The following IRAG2 variants were observed in gnomAD, a reference collection of about 807,000 sequenced individuals.
IRAG2 encodes inositol 1,4,5-triphosphate receptor associated 2, also known as lymphoid restricted membrane protein.
In IRAG2, 45 loss-of-function variants were observed where a neutral mutation model predicts 69.9. The observed-to-expected ratio is 0.64, with a 90% CI of 0.51 to 0.83. IRAG2 has a LOEUF of 0.83. IRAG2 is among the 40% of genes least tolerant of loss of function. The probability of loss-of-function intolerance (pLI) is 0.00; values close to 1 mark genes in which losing one functional copy is unlikely to be tolerated. For synonymous variants in IRAG2, 193 were observed against 202.4 expected, an observed-to-expected ratio of 0.95 and a Z score of 0.40; for missense variants, 520 against 587.0, an observed-to-expected ratio of 0.89 and a Z score of 1.18.
intron 14 of IRAG2, chr12:25,093,050 G>A (rs1224467323): frequency 6.5e-6 from 1 of 152,750 alleles, no homozygotes; most frequent in Non-Finnish European, 1.5e-5. Flanking sequence ...ATTTTGTTGA[G>A]TTCTTCTTTA....
intron 3 of IRAG2, chr12:25,015,173 T>TTTTTTTG: frequency 1.7e-6 from 2 of 1,162,958 alleles, no homozygotes; most frequent in Non-Finnish European, 2.1e-6. Context: ...TTTTTTTTTT[T>TTTTTTTG]GGCTACAGGG....
At position 25,036,371 on chromosome 12, in the gene IRAG2, G is replaced by C. The variant is rs550347547; in HGVS notation, c.1879-214G>C. Among the ~76,000 whole-genome samples, 4 of 152,126 alleles carry C rather than the reference G, an allele frequency of 2.6e-5. No individual in the cohort carries two copies. In the South Asian group the frequency reaches 6.2e-4, roughly 24 times the overall value. On this transcript the variant is annotated intron_variant, in intron 14 of 38. Transcript: ENST00000636465. ...TTTGTTCTGGAAAATGATTCTCTCTGTATATATTCAACATGTATAGAGCAC... is the reference window on the plus strand; with the variant it reads ...TTTGTTCTGGAAAATGATTCTCTCTCTATATATTCAACATGTATAGAGCAC...
chr12:25,010,488 AC>A (rs55975420), intron 2 of IRAG2, among the ~76,000 whole-genome samples: 5,392 of 148,734 alleles, frequency 0.036, 123 homozygotes, highest in Non-Finnish European at 0.053. Context: ...AAAAAAAAAA[AC>A]AGTTCTCTCT....
intron 14 of IRAG2, chr12:25,090,738 C>T (rs1947986651): frequency 2.5e-6 from 1 of 405,560 alleles, no homozygotes; most frequent in African/African-American, 2.1e-5. Context: ...AGGAGAGTAT[C>T]AGCTATAAAA....
chr12:25,097,430 G>C (rs774882542), intron 15 of IRAG2: 1 of 153,970 alleles, frequency 6.5e-6, no homozygotes, highest in Non-Finnish European at 1.4e-5. Context: ...TGGTTGAGTA[G>C]ATATAAATTA....
chr12:25,069,326 A>G, intron 5 of IRAG2, 24 bp from the exon 6 acceptor site: 1 of 1,135,646 alleles, frequency 8.8e-7, no homozygotes. Context: ...ACCTGTAGTA[A>G]ATAACTCTAC....
At chr12:25,042,316 A>T (rs1194490346) in intron 16 of IRAG2, among the ~76,000 whole-genome samples, 1 of 152,184 alleles carries the variant, frequency 6.6e-6, no homozygotes, top group African/African-American at 2.4e-5. Flanking sequence ...AGAAATCAAG[A>T]TTTATCATTC....
intron 16 of IRAG2, among the ~76,000 whole-genome samples, chr12:25,043,807 TAA>T (rs1944770038): frequency 6.6e-6 from 1 of 152,090 alleles, no homozygotes; most frequent in African/African-American, 2.4e-5. Context: ...AATGCATAGT[TAA>T]AAAGAGTCAA....
chr12:25,105,383 T>C (rs567842519), intron 20 of IRAG2, among the ~76,000 whole-genome samples: 1 of 152,238 alleles, frequency 6.6e-6, no homozygotes. Context: ...GCCTTCAGTT[T>C]TCATATCTGT....
intron 4 of IRAG2, among the ~76,000 whole-genome samples, chr12:25,064,454 A>T (rs1345095053): frequency 6.6e-6 from 1 of 152,136 alleles, no homozygotes; most frequent in African/African-American, 2.4e-5. Context: ...GGAGAAGGAA[A>T]ATTGGGTTGT....
In IRAG2 at chr12:25,079,675, G is replaced by A. The variant is rs1409097189; in HGVS notation, c.156G>A (p.Leu52=). 5 of 1,612,860 alleles carry A rather than the reference G, an allele frequency of 3.1e-6. No individual in the cohort carries two copies. The highest frequency in any genetic ancestry group is 4.2e-6 in the Non-Finnish European group (5 of 1,179,034). The change falls in exon 9 of 22, where the codon CTG becomes CTA. Residue 52 remains leucine (L), a synonymous_variant. Transcript: ENST00000556887. ...TGACAGATCCTGGATTAGAAATTCT[G>A]AATATGGCTTCTTGTGACCTTGACA... ...ITSSDPGLEI[L]NMASCDLDRN... is the part of the protein sequence containing the mutation.
intron 8 of IRAG2, chr12:25,024,006 A>T: frequency 2.8e-6 from 2 of 701,924 alleles, no homozygotes; most frequent in Non-Finnish European, 4.0e-6. Context: ...AATAAAAATC[A>T]TGTAAATATA....
intron 1 of IRAG2, among the ~76,000 whole-genome samples, chr12:25,054,948 C>T (rs1048752738): frequency 6.6e-6 from 1 of 152,244 alleles, no homozygotes; most frequent in African/African-American, 2.4e-5. Context: ...CACATCCCGC[C>T]ATGACCACTG....
chr12:25,004,552 A>G lies in IRAG2; in HGVS notation c.211A>G (p.Thr71Ala), dbSNP rs545713863. The G allele has an allele frequency of 8.1e-5, 100 of 1,232,118 alleles. No individual in the cohort carries two copies. In the East Asian group the frequency reaches 3.1e-3, roughly 38 times the overall value. The allele number at this position is 1,232,118 out of a possible 1,614,324, so 76.3% of individuals were successfully genotyped here. A position where few individuals can be genotyped will look rare whatever the true frequency, so the allele number is the denominator to read the frequency against. ...GAAAATGACTGCTGCTTGTGTTCCTACGCCCGGCTCTCATTGGTCAAGTTC... is the reference window on the plus strand; with the variant it reads ...GAAAATGACTGCTGCTTGTGTTCCTGCGCCCGGCTCTCATTGGTCAAGTTC... Residue 71 changes from threonine to alanine, a missense_variant, in exon 1 of 39, where the codon ACG becomes GCG. Physicochemically the swap from Thr to Ala is moderately conservative, Grantham distance 58. Transcript: ENST00000636465.
chr12:25,073,194 C>A (rs909355686), intron 6 of IRAG2, among the ~76,000 whole-genome samples: 2 of 152,204 alleles, frequency 1.3e-5, no homozygotes, highest in African/African-American at 4.8e-5. Flanking sequence ...CTGTGCCCCA[C>A]ATTTCTTGTC....
At chr12:25,085,563 G>A (rs994835941) in intron 10 of IRAG2, among the ~76,000 whole-genome samples, 2 of 152,146 alleles carry the variant, frequency 1.3e-5, no homozygotes, top group African/African-American at 4.8e-5. Context: ...CTAAGGTCTC[G>A]GGTTTATGTT....
chr12:25,054,607 G>A (rs1945111186), intron 1 of IRAG2, among the ~76,000 whole-genome samples: 1 of 152,134 alleles, frequency 6.6e-6, no homozygotes, highest in Non-Finnish European at 1.5e-5. Context: ...TATGAAAGCT[G>A]CCCTGGGTTG....
intron 5 of IRAG2, among the ~76,000 whole-genome samples, chr12:25,016,256 T>C (rs1944528009): frequency 6.6e-6 from 1 of 150,708 alleles, no homozygotes. Context: ...CGGGATAAGA[T>C]AGCAAAAAAG....
chr12:25,097,302 T>C (rs926959466), intron 15 of IRAG2: 11 of 329,018 alleles, frequency 3.3e-5, no homozygotes, highest in African/African-American at 2.2e-4. Context: ...TGTTATAATA[T>C]AGTGTTTATA....
Sources: gnomAD v4.1 joint callset for allele counts (sites outside exome capture counted in the v4.1 genomes callset) on GRCh38, gnomAD v4.1.1 for gene constraint, MANE v1.5 for transcripts, NCBI Gene and HGNC (gene_info 2026-07-23, HGNC 2026-07-21) for gene names.